Variants in FAM78B observed in about 807,000 individuals in gnomAD.
FAM78B encodes family with sequence similarity 78 member B.
In FAM78B, 10 loss-of-function variants were observed where a neutral mutation model predicts 20.0. That is an observed-to-expected ratio of 0.50 (90% CI 0.31 to 0.85). The LOEUF is 0.85. FAM78B is among the 40% of genes least tolerant of loss of function. FAM78B has a pLI of 0.05. For synonymous variants in FAM78B, 135 were observed against 132.8 expected, an observed-to-expected ratio of 1.02 and a Z score of -0.12; for missense variants, 283 against 345.0, an observed-to-expected ratio of 0.82 and a Z score of 1.42.
chr1:166,160,207 C>G (rs762912479), intron 1 of FAM78B, among the ~76,000 whole-genome samples: 1 of 152,206 alleles, frequency 6.6e-6, no homozygotes, highest in African/African-American at 2.4e-5. Flanking sequence ...GAAGGTCACA[C>G]TTAAAGCCAC....
chr1:166,140,178 C>T (rs557795550), intron 1 of FAM78B, among the ~76,000 whole-genome samples: 1 of 152,306 alleles, frequency 6.6e-6, no homozygotes, highest in African/African-American at 2.4e-5. Context: ...GCTCTCTACC[C>T]CAGCAAGGCT....
chr1:166,096,593 C>T (rs1442313009), intron 1 of FAM78B, among the ~76,000 whole-genome samples: 2 of 152,194 alleles, frequency 1.3e-5, no homozygotes, highest in African/African-American at 4.8e-5. Context: ...CACTTGACTG[C>T]TTTGTGCCTC....
At chr1:166,158,447 T>C (rs923780993) in intron 1 of FAM78B, among the ~76,000 whole-genome samples, 1 of 152,214 alleles carries the variant, frequency 6.6e-6, no homozygotes, top group African/African-American at 2.4e-5. Context: ...CTACTGAGCA[T>C]CCCTGGACCT....
intron 1 of FAM78B, among the ~76,000 whole-genome samples, chr1:166,077,884 A>AT: frequency 8.4e-4 from 1 of 1,192 alleles, no homozygotes; most frequent in Non-Finnish European, 2.1e-3. Flanking sequence ...TTATATATAT[A>AT]ATAAATATAT....
At chr1:166,105,660 T>C (rs1393747450) in intron 1 of FAM78B, among the ~76,000 whole-genome samples, 5 of 152,130 alleles carry the variant, frequency 3.3e-5, no homozygotes, top group South Asian at 2.1e-4. Context: ...AATGAGACAC[T>C]ATCTCACACC....
At chr1:166,107,938 C>T (rs952753149) in intron 1 of FAM78B, among the ~76,000 whole-genome samples, 3 of 152,084 alleles carry the variant, frequency 2.0e-5, no homozygotes, top group Non-Finnish European at 4.4e-5. Context: ...TGACAAAATC[C>T]AGCATCACTT....
chr1:166,060,291 A>T, exon 3 of FAM78B: 1 of 276,828 alleles, frequency 3.6e-6, no homozygotes, highest in Admixed American at 5.0e-5. Flanking sequence ...GTCCAGGCTG[A>T]CCAGCTCTTC....
chr1:166,119,439 A>G (rs1654385477), intron 1 of FAM78B, among the ~76,000 whole-genome samples: 1 of 152,130 alleles, frequency 6.6e-6, no homozygotes, highest in African/African-American at 2.4e-5. Flanking sequence ...ACCCACAATC[A>G]CATTTAAAGA....
intron 1 of FAM78B, among the ~76,000 whole-genome samples, chr1:166,136,057 A>C (rs938091782): frequency 6.6e-6 from 1 of 152,136 alleles, no homozygotes; most frequent in Non-Finnish European, 1.5e-5. Flanking sequence ...ACTTTTTTCA[A>C]ACAGTTCTTT....
chr1:166,103,530 G>A (rs982164949), intron 1 of FAM78B, among the ~76,000 whole-genome samples: 2 of 152,118 alleles, frequency 1.3e-5, no homozygotes, highest in Admixed American at 6.5e-5. Flanking sequence ...TATCACCAAC[G>A]ATCCCACAGA....
chr1:166,088,707 C>A (rs916442470), intron 1 of FAM78B, among the ~76,000 whole-genome samples: 11 of 152,160 alleles, frequency 7.2e-5, no homozygotes, highest in Non-Finnish European at 8.8e-5. Context: ...ACTGTTCCAG[C>A]CTGCCTGACT....
rs1299704937 is a variant in FAM78B at position 166,138,572 on chromosome 1, T to C, written c.263+27414A>G. ...AGAGATCACACATCTTCGCTAGCCT[T>C]AGATTCATGGGATTGCTGGGCTAAA... On this transcript the variant is annotated intron_variant, in intron 1 of 1. Coordinates refer to ENST00000354422, the MANE Select transcript of FAM78B (RefSeq NM_001017961.5). Among the ~76,000 whole-genome samples the C allele has an allele frequency of 2.6e-5, 4 of 152,166 alleles. No individual in the cohort carries two copies. In the East Asian group the frequency reaches 5.8e-4, roughly 22 times the overall value.
intron 1 of FAM78B, among the ~76,000 whole-genome samples, chr1:166,092,703 A>G (rs1653126397): frequency 6.6e-6 from 1 of 152,174 alleles, no homozygotes; most frequent in South Asian, 2.1e-4. Context: ...AATTTTGTGT[A>G]TACAGCACAG....
At chr1:166,077,823 TAA>T (rs1491484947) in intron 1 of FAM78B, among the ~76,000 whole-genome samples, 7 of 85,596 alleles carry the variant, frequency 8.2e-5, no homozygotes, top group East Asian at 5.1e-4. Context: ...AGATTATATA[TAA>T]ATATATATAA....
At chr1:166,084,237 A>ACACACACACACACACACACTCTCTCT (rs771421402) in intron 1 of FAM78B, among the ~76,000 whole-genome samples, 1 of 125,416 alleles carries the variant, frequency 8.0e-6, no homozygotes, top group East Asian at 2.3e-4. Context: ...ACACACACAC[A>ACACACACACACACACACACTCTCTCT]CTCTCTCTCT....
At chr1:166,150,705 A>G (rs1655640378) in intron 1 of FAM78B, among the ~76,000 whole-genome samples, 1 of 152,228 alleles carries the variant, frequency 6.6e-6, no homozygotes, top group Admixed American at 6.5e-5. Context: ...GATCAAACAT[A>G]AAAATTACCA....
intron 1 of FAM78B, among the ~76,000 whole-genome samples, chr1:166,122,587 C>A (rs1200528405): frequency 1.3e-5 from 2 of 152,114 alleles, no homozygotes; most frequent in African/African-American, 2.4e-5. Flanking sequence ...GAAATCTTTC[C>A]AAATGTGGAA....
chr1:166,063,956 C>T lies in FAM78B; in HGVS notation c.*410-3293G>A, dbSNP rs915794942. On this transcript the variant is annotated intron_variant and NMD_transcript_variant, in intron 2 of 2. Coordinates refer to the FAM78B transcript ENST00000435676. The stretch of plus-strand genomic sequence containing the variant: ...ATGCTTGGCCACATGGCTTGCTGCC[C>T]AGAGGCCTGGCTTCACATTTGTCCT... 5.9e-5 allele frequency among the ~76,000 whole-genome samples: 9 copies of T among 152,228 alleles called. No individual in the cohort carries two copies. The South Asian group carries it at 1.7e-3, about 28-fold the overall frequency.
chr1:166,164,811 G>T (rs1015416562), intron 1 of FAM78B: 1 of 152,180 alleles, frequency 6.6e-6, no homozygotes, highest in African/African-American at 2.4e-5. Flanking sequence ...TAGAGTTTTA[G>T]ATTAATAAGT....
Sources: allele counts gnomAD v4.1 joint callset (sites outside exome capture counted in the v4.1 genomes callset), GRCh38; gene constraint gnomAD v4.1.1; transcripts MANE v1.5; gene names NCBI Gene and HGNC (gene_info 2026-07-23, HGNC 2026-07-21).